PPP1R1C: variants seen among roughly 807,000 people sequenced by gnomAD.
PPP1R1C encodes the protein protein phosphatase 1 regulatory inhibitor subunit 1C.
Under a neutral mutation model 17.4 loss-of-function variants are expected in PPP1R1C, and 15 were observed. The ratio of observed to expected loss-of-function variants is 0.86; its 90% CI spans 0.58 to 1.33. The LOEUF is 1.33. Ranked by LOEUF, PPP1R1C falls within the 40% of genes most tolerant of loss-of-function variation. The pLI, the probability that PPP1R1C is intolerant of heterozygous loss-of-function variation, is 0.00. For missense variants in PPP1R1C, 143 were observed against 130.0 expected (o/e 1.10, Z -0.48); for synonymous variants, 35 against 43.1 (o/e 0.81, Z 0.73).
At chr2:182,030,832 T>G in intron 2 of PPP1R1C, 1 of 159,316 alleles carries the variant, frequency 6.3e-6, no homozygotes, top group Non-Finnish European at 1.4e-5. Context: ...CCTTGCAGTT[T>G]GATCTCAGAC....
intron 2 of PPP1R1C, among the ~76,000 whole-genome samples, chr2:182,029,488 A>G (rs1234406953): frequency 6.7e-6 from 1 of 150,184 alleles, no homozygotes; most frequent in African/African-American, 2.5e-5. Context: ...GTTTGGCTGG[A>G]TATGAAATTC....
intron 4 of PPP1R1C, 23 bp downstream of exon 4, chr2:182,063,814 G>C: frequency 6.2e-7 from 1 of 1,605,554 alleles, no homozygotes; most frequent in Admixed American, 1.7e-5. Flanking sequence ...TACTGTTTCG[G>C]GTTGTCATGA....
intron 4 of PPP1R1C, among the ~76,000 whole-genome samples, chr2:182,080,289 T>C (rs1221463835): frequency 6.6e-6 from 1 of 152,244 alleles, no homozygotes; most frequent in Non-Finnish European, 1.5e-5. Context: ...ACTGCCTTTA[T>C]GTTCATCCCC....
intron 2 of PPP1R1C, among the ~76,000 whole-genome samples, chr2:182,058,006 TCA>T (rs1198753707): frequency 1.6e-4 from 24 of 152,262 alleles, no homozygotes; most frequent in East Asian, 1.2e-3. Flanking sequence ...AGCACCTTCT[TCA>T]CACACAGTTT....
intron 1 of PPP1R1C, among the ~76,000 whole-genome samples, chr2:181,973,332 A>G (rs1029838799): frequency 6.6e-6 from 1 of 152,234 alleles, no homozygotes; most frequent in African/African-American, 2.4e-5. Context: ...TACATTCTGC[A>G]TGGAAACATA....
At chr2:181,982,737 G>A (rs753729874), upstream of PPP1R1C, among the ~76,000 whole-genome samples, 3 of 152,096 alleles carry the variant, frequency 2.0e-5, no homozygotes, top group Non-Finnish European at 2.9e-5. Context: ...GGTGAACTGC[G>A]GCAGCCTGTA....
At chr2:181,968,178 G>A (rs577098530) in intron 1 of PPP1R1C, among the ~76,000 whole-genome samples, 161 of 152,306 alleles carry the variant, frequency 1.1e-3, no homozygotes, top group South Asian at 2.3e-3. Context: ...TTTAGTTGTT[G>A]GATGAAATGT....
upstream of PPP1R1C, among the ~76,000 whole-genome samples, chr2:181,985,049 C>T (rs1685263840): frequency 6.6e-6 from 1 of 152,174 alleles, no homozygotes; most frequent in African/African-American, 2.4e-5. The surrounding 1 kb of genome is among the most constrained non-coding windows in gnomAD (Gnocchi z 4.1). Context: ...TACATTTCTA[C>T]TGTTGACAAC....
chr2:182,084,195 T>C (rs1364248603), intron 4 of PPP1R1C, among the ~76,000 whole-genome samples: 1 of 152,090 alleles, frequency 6.6e-6, no homozygotes, highest in Middle Eastern at 3.2e-3. Context: ...AGTTTGCAAG[T>C]ATTTTCTCCC....
chr2:182,027,335 T>C (rs1686648864), intron 2 of PPP1R1C, among the ~76,000 whole-genome samples: 4 of 144,664 alleles, frequency 2.8e-5, no homozygotes. Context: ...TAGTATGATA[T>C]TGGCTGTGGG....
At chr2:181,985,843 C>T, upstream of PPP1R1C, 2 of 504,230 alleles carry the variant, frequency 4.0e-6, no homozygotes, top group South Asian at 2.7e-5. This position sits in a 1 kb window ranked among gnomAD's most constrained non-coding sequence, Gnocchi z 4.1. Context: ...AAGAGGCACA[C>T]AATTAGCGTA....
intron 4 of PPP1R1C, among the ~76,000 whole-genome samples, chr2:182,093,537 A>C (rs573232503): frequency 6.6e-6 from 1 of 152,346 alleles, no homozygotes; most frequent in African/African-American, 2.4e-5. Flanking sequence ...CTATTCCATT[A>C]TCAGACTGCA....
chr2:181,960,329 A>C (rs914915170), intron 1 of PPP1R1C, among the ~76,000 whole-genome samples: 2 of 152,232 alleles, frequency 1.3e-5, no homozygotes, highest in African/African-American at 4.8e-5. Flanking sequence ...GCCTCTGCTC[A>C]TTTTAGGATG....
At chr2:182,072,149 C>T (rs1688159089) in intron 4 of PPP1R1C, among the ~76,000 whole-genome samples, 1 of 152,200 alleles carries the variant, frequency 6.6e-6, no homozygotes, top group Non-Finnish European at 1.5e-5. Flanking sequence ...ACACACTCCA[C>T]TCATACTAAT....
At chr2:182,110,540 G>A (rs976466176) in intron 4 of PPP1R1C, among the ~76,000 whole-genome samples, 21 of 152,102 alleles carry the variant, frequency 1.4e-4, no homozygotes, top group African/African-American at 5.1e-4. Flanking sequence ...GTGGTAGCCT[G>A]TGGTAACCAT....
At chr2:182,097,323 G>T (rs558403141) in intron 4 of PPP1R1C, among the ~76,000 whole-genome samples, 213 of 152,208 alleles carry the variant, frequency 1.4e-3, no homozygotes, top group Middle Eastern at 3.4e-3. Flanking sequence ...TTAAAACACA[G>T]ACTCACTCCT....
chr2:181,956,582 G>A (rs1232314200), intron 1 of PPP1R1C, among the ~76,000 whole-genome samples: 4 of 152,078 alleles, frequency 2.6e-5, no homozygotes, highest in Non-Finnish European at 4.4e-5. Flanking sequence ...TTTAATGATC[G>A]CCATTCTAAC....
chr2:182,094,518 A>T (rs773485930), intron 4 of PPP1R1C, among the ~76,000 whole-genome samples: 3 of 152,226 alleles, frequency 2.0e-5, no homozygotes, highest in Non-Finnish European at 4.4e-5. Flanking sequence ...TTGAATTTTG[A>T]TCTCTTTCCA....
intron 4 of PPP1R1C, among the ~76,000 whole-genome samples, chr2:182,077,660 CT>C (rs565362759): frequency 1.7e-4 from 26 of 152,294 alleles, no homozygotes; most frequent in Admixed American, 5.9e-4. Flanking sequence ...TGTTCTACCC[CT>C]GATAATTGGC....
Sources: gnomAD v4.1 joint callset for allele counts (sites outside exome capture counted in the v4.1 genomes callset) on GRCh38, gnomAD v4.1.1 for gene constraint, Gnocchi (gnomAD v3.1) non-coding constraint, MANE v1.5 for transcripts, NCBI Gene and HGNC (gene_info 2026-07-23, HGNC 2026-07-21) for gene names.